The following CDH8 variants were observed in gnomAD, a reference collection of about 807,000 sequenced individuals.
CDH8 encodes cadherin 8, also known as cadherin-8.
CDH8 carries 17 observed loss-of-function variants against 68.1 expected under a neutral mutation model. The ratio of observed to expected loss-of-function variants is 0.25; its 90% CI spans 0.17 to 0.37. The LOEUF (loss-of-function observed/expected upper bound fraction) is 0.37. CDH8 is among the 10% of genes least tolerant of loss of function. CDH8 has a pLI of 1.00. For synonymous variants in CDH8, 372 were observed against 365.1 expected (o/e 1.02, Z -0.21); for missense variants, 763 against 999.3 (o/e 0.76, Z 3.19).
intron 2 of CDH8, among the ~76,000 whole-genome samples, chr16:61,950,871 A>G (rs1029104398): frequency 7.2e-5 from 11 of 152,142 alleles, no homozygotes; most frequent in Non-Finnish European, 1.6e-4. Flanking sequence ...AGAAGGGAAC[A>G]AAAGGCACTG....
At chr16:61,939,958 C>T (rs2143529527) in intron 2 of CDH8, among the ~76,000 whole-genome samples, 1 of 152,262 alleles carries the variant, frequency 6.6e-6, no homozygotes, top group Admixed American at 6.5e-5. Context: ...CTAGAAATAC[C>T]TGGCTCACAA....
At chr16:61,953,921 ATATAT>A (rs1326045298) in intron 2 of CDH8, among the ~76,000 whole-genome samples, 24 of 143,446 alleles carry the variant, frequency 1.7e-4, no homozygotes, top group Non-Finnish European at 2.6e-4. Context: ...ATATATATAT[ATATAT>A]AAAATACCTT....
At chr16:61,783,822 T>C (rs1264502465) in intron 8 of CDH8, among the ~76,000 whole-genome samples, 8 of 152,194 alleles carry the variant, frequency 5.3e-5, no homozygotes, top group Non-Finnish European at 7.3e-5. Flanking sequence ...CAGAATTTCA[T>C]GTCCAGCCAA....
intron 10 of CDH8, among the ~76,000 whole-genome samples, chr16:61,697,075 A>G (rs1350614044): frequency 6.6e-6 from 1 of 152,188 alleles, no homozygotes; most frequent in Admixed American, 6.5e-5. Context: ...CTGCCCACGA[A>G]TCCTCTGAAC....
intron 8 of CDH8, among the ~76,000 whole-genome samples, chr16:61,776,042 T>C (rs1478522945): frequency 1.3e-5 from 2 of 152,048 alleles, no homozygotes; most frequent in Admixed American, 6.6e-5. Context: ...CCTTTAGATA[T>C]AGGACTGAGA....
chr16:61,777,472 T>C (rs1470306976), intron 8 of CDH8, among the ~76,000 whole-genome samples: 3 of 152,098 alleles, frequency 2.0e-5, no homozygotes, highest in African/African-American at 7.2e-5. Flanking sequence ...TAGGTATAGG[T>C]GCGTCTTATC....
intron 1 of CDH8, among the ~76,000 whole-genome samples, chr16:62,033,370 A>G (rs1902374158): frequency 6.6e-6 from 1 of 152,216 alleles, no homozygotes; most frequent in Non-Finnish European, 1.5e-5. Flanking sequence ...AGGCAAATGG[A>G]ACTGCTATTC....
chr16:61,678,483 A>G (rs560350865), intron 10 of CDH8, among the ~76,000 whole-genome samples: 46 of 152,162 alleles, frequency 3.0e-4, no homozygotes, highest in Middle Eastern at 3.4e-3. Context: ...CTTTTGTGTC[A>G]GATATCAATT....
chr16:61,698,590 A>T (rs1964368947), intron 10 of CDH8, among the ~76,000 whole-genome samples: 1 of 152,200 alleles, frequency 6.6e-6, no homozygotes, highest in Non-Finnish European at 1.5e-5. Flanking sequence ...ATATATCAAG[A>T]GGCTCAGACT....
chr16:61,712,327 C>A (rs1241703340), intron 10 of CDH8, among the ~76,000 whole-genome samples: 1 of 151,628 alleles, frequency 6.6e-6, no homozygotes, highest in Non-Finnish European at 1.5e-5. Context: ...TTATGTGATG[C>A]CTTCTAGAGC....
chr16:61,706,625 A>AAAAAAAAAAAAAAAAAAAAG (rs1964540235), intron 10 of CDH8, among the ~76,000 whole-genome samples: 1 of 150,050 alleles, frequency 6.7e-6, no homozygotes, highest in African/African-American at 2.4e-5. Context: ...TGTCTCAAAA[A>AAAAAAAAAAAAAAAAAAAAG]AAAAAAAAAA....
At chr16:61,812,224 TGAATCTAAA>T (rs879569295) in intron 7 of CDH8, among the ~76,000 whole-genome samples, 1 of 152,200 alleles carries the variant, frequency 6.6e-6, no homozygotes, top group Non-Finnish European at 1.5e-5. Context: ...TTAGATATCA[TGAATCTAAA>T]GACTGCTTTC....
chr16:62,010,971 T>C (rs2150604123), intron 2 of CDH8, among the ~76,000 whole-genome samples: 1 of 150,582 alleles, frequency 6.6e-6, no homozygotes, highest in Middle Eastern at 3.4e-3. Context: ...CCTCTTTTTC[T>C]CCCCCATTTT....
chr16:61,739,734 AAAAAGAAAAGAAAAG>A (rs529131501), intron 8 of CDH8, among the ~76,000 whole-genome samples: 1 of 142,022 alleles, frequency 7.0e-6, no homozygotes, highest in South Asian at 2.2e-4. Flanking sequence ...CCTCAAAAAA[AAAAAGAAAAGAAAAG>A]AAAAGAAAAG....
chr16:61,736,355 C>T (rs760198342), intron 8 of CDH8, among the ~76,000 whole-genome samples: 1 of 152,006 alleles, frequency 6.6e-6, no homozygotes, highest in African/African-American at 2.4e-5. Context: ...TGGCAATGAG[C>T]CAGATATATA....
At chr16:61,732,632 T>G (rs1213294153) in intron 8 of CDH8, among the ~76,000 whole-genome samples, 1 of 151,750 alleles carries the variant, frequency 6.6e-6, no homozygotes, top group Non-Finnish European at 1.5e-5. Context: ...TGATAAATTC[T>G]TCCGTTGAAA....
intron 7 of CDH8, among the ~76,000 whole-genome samples, chr16:61,810,342 C>T (rs1961911744): frequency 6.6e-6 from 1 of 152,124 alleles, no homozygotes; most frequent in African/African-American, 2.4e-5. Flanking sequence ...GCTCTAACTG[C>T]TTTAATAAAT....
At chr16:61,826,838 A>G (rs1426045043) in intron 4 of CDH8, among the ~76,000 whole-genome samples, 1 of 151,816 alleles carries the variant, frequency 6.6e-6, no homozygotes, top group African/African-American at 2.4e-5. Flanking sequence ...CACAACTTTA[A>G]TAATAGGGCT....
At chr16:61,684,771 G>T (rs928643228) in intron 10 of CDH8, among the ~76,000 whole-genome samples, 1 of 151,968 alleles carries the variant, frequency 6.6e-6, no homozygotes. Context: ...TTCTTAGAGG[G>T]CAAGACTCCA....
Sources: allele counts gnomAD v4.1 joint callset (sites outside exome capture counted in the v4.1 genomes callset), GRCh38; gene constraint gnomAD v4.1.1; transcripts MANE v1.5; gene names NCBI Gene and HGNC (gene_info 2026-07-23, HGNC 2026-07-21).